Variants in CTNND2 observed in about 807,000 individuals in gnomAD.
CTNND2 encodes the protein catenin delta-2.
Under a neutral mutation model 144.4 loss-of-function variants are expected in CTNND2, and 22 were observed. The observed-to-expected ratio is 0.15, with a 90% CI of 0.11 to 0.22. CTNND2 has a LOEUF of 0.22. Among genes scored for constraint, CTNND2 ranks in the 10% least tolerant of loss-of-function variants. The pLI, the probability that CTNND2 is intolerant of heterozygous loss-of-function variation, is 1.00. For synonymous variants in CTNND2, 751 were observed against 695.6 expected (o/e 1.08, Z -1.25); for missense variants, 1,353 against 1,618.8 (o/e 0.84, Z 2.82).
intron 2 of CTNND2, among the ~76,000 whole-genome samples, chr5:11,616,393 C>A (rs577621800): frequency 1.6e-4 from 24 of 152,292 alleles, no homozygotes; most frequent in African/African-American, 5.8e-4. Context: ...TCACACATGA[C>A]CAATAGTTTC....
chr5:11,035,313 G>C (rs1743951486), intron 16 of CTNND2, among the ~76,000 whole-genome samples: 1 of 152,080 alleles, frequency 6.6e-6, no homozygotes. Flanking sequence ...TCATTTTCTT[G>C]CCTTTTCCAG....
At chr5:11,365,254 C>A (rs1161213844) in intron 7 of CTNND2, among the ~76,000 whole-genome samples, 1 of 152,194 alleles carries the variant, frequency 6.6e-6, no homozygotes, top group Non-Finnish European at 1.5e-5. Flanking sequence ...ATAGCCCTTG[C>A]ACCTTAAATT....
At chr5:11,634,510 G>A (rs1042079199) in intron 2 of CTNND2, among the ~76,000 whole-genome samples, 11 of 152,190 alleles carry the variant, frequency 7.2e-5, no homozygotes, top group African/African-American at 2.4e-4. Context: ...TTGAGGATGA[G>A]GAGGTTACAA....
chr5:11,608,344 C>G (rs897940960), intron 2 of CTNND2, among the ~76,000 whole-genome samples: 1 of 152,182 alleles, frequency 6.6e-6, no homozygotes, highest in Non-Finnish European at 1.5e-5. Context: ...CAATTGCCTA[C>G]TTCCCATCTC....
intron 10 of CTNND2, among the ~76,000 whole-genome samples, chr5:11,220,823 G>A (rs997926018): frequency 1.7e-4 from 26 of 152,174 alleles, no homozygotes; most frequent in African/African-American, 5.1e-4. Context: ...ATATCACACC[G>A]TTTCCAGGGG....
chr5:11,476,809 C>A (rs556097444), intron 3 of CTNND2, among the ~76,000 whole-genome samples: 1 of 152,104 alleles, frequency 6.6e-6, no homozygotes, highest in Admixed American at 6.5e-5. Flanking sequence ...TACTTGACAG[C>A]GGCATACTGT....
intron 16 of CTNND2, among the ~76,000 whole-genome samples, chr5:11,024,766 AT>A (rs1394661149): frequency 6.6e-6 from 1 of 152,204 alleles, no homozygotes; most frequent in Non-Finnish European, 1.5e-5. Flanking sequence ...TGGTATTATC[AT>A]TTTGAAAATT....
intron 1 of CTNND2, among the ~76,000 whole-genome samples, chr5:11,864,935 C>T (rs1795684038): frequency 8.3e-6 from 1 of 119,848 alleles, no homozygotes; most frequent in Admixed American, 1.1e-4. Context: ...ACTCTTGTTG[C>T]CCAGGCTACA....
chr5:11,283,919 G>A (rs1307885970), intron 9 of CTNND2, among the ~76,000 whole-genome samples: 2 of 152,238 alleles, frequency 1.3e-5, no homozygotes, highest in African/African-American at 4.8e-5. Context: ...TTCTGTTCAC[G>A]TCGTCTGACG....
At chr5:11,202,059 G>C (rs1366925767) in intron 10 of CTNND2, among the ~76,000 whole-genome samples, 1 of 152,098 alleles carries the variant, frequency 6.6e-6, no homozygotes, top group Non-Finnish European at 1.5e-5. Flanking sequence ...TCTGAATTTA[G>C]TTATTTAAAT....
chr5:11,244,500 G>T (rs1742795497), intron 9 of CTNND2, among the ~76,000 whole-genome samples: 1 of 152,032 alleles, frequency 6.6e-6, no homozygotes, highest in South Asian at 2.1e-4. Context: ...GGCCAGGCTG[G>T]TCTTGAACTC....
intron 3 of CTNND2, among the ~76,000 whole-genome samples, chr5:11,510,912 C>T (rs1026001870): frequency 6.9e-6 from 1 of 145,170 alleles, no homozygotes; most frequent in African/African-American, 2.6e-5. Flanking sequence ...GCCTGGGCAA[C>T]AGAAAGAGAC....
chr5:11,132,410 T>C (rs978205833), intron 12 of CTNND2, among the ~76,000 whole-genome samples: 5 of 152,194 alleles, frequency 3.3e-5, no homozygotes, highest in Non-Finnish European at 7.3e-5. Flanking sequence ...CTTTGGGAGA[T>C]GATTAGGTCA....
At chr5:11,630,359 C>A (rs924475379) in intron 2 of CTNND2, among the ~76,000 whole-genome samples, 1 of 152,284 alleles carries the variant, frequency 6.6e-6, no homozygotes, top group East Asian at 1.9e-4. Flanking sequence ...TGAATCTCAT[C>A]AATTCAGTCC....
At position 11,469,447 on chromosome 5, in the gene CTNND2, G is replaced by A. The variant is rs116605405; in HGVS notation, c.288-57378C>T. On this transcript the variant is annotated intron_variant, in intron 3 of 21. Transcript: ENST00000304623. ...CCACAATCCTTTAAAGTTACTTTCA[G>A]CACAGAAAGGCATAACACTGCTGCA... Among the ~76,000 whole-genome samples, 1,363 of 152,248 alleles carry A rather than the reference G, an allele frequency of 9.0e-3. 21 individuals are homozygous for A. Among genetic ancestry groups the A allele is most frequent in the African/African-American group, 0.031 (1,296 of 41,530 alleles).
intron 7 of CTNND2, among the ~76,000 whole-genome samples, chr5:11,372,520 G>A (rs1468530364): frequency 6.6e-6 from 1 of 151,948 alleles, no homozygotes; most frequent in Non-Finnish European, 1.5e-5. Context: ...CCTCATGCAC[G>A]GCTTCAACTT....
chr5:11,803,292 C>G (rs1249758345), intron 1 of CTNND2, among the ~76,000 whole-genome samples: 1 of 151,456 alleles, frequency 6.6e-6, no homozygotes, highest in African/African-American at 2.4e-5. Flanking sequence ...TGCACTCCAG[C>G]CTGGCAACAG....
intron 9 of CTNND2, among the ~76,000 whole-genome samples, chr5:11,255,770 G>A (rs1016635995): frequency 3.9e-5 from 6 of 152,124 alleles, no homozygotes; most frequent in African/African-American, 1.4e-4. Flanking sequence ...AATCAGTCAC[G>A]AGAGCTGGAA....
intron 2 of CTNND2, among the ~76,000 whole-genome samples, chr5:11,613,141 T>C (rs1780415529): frequency 6.6e-6 from 1 of 152,208 alleles, no homozygotes; most frequent in South Asian, 2.1e-4. Flanking sequence ...TTTTTGCCAA[T>C]GTCAAGACTT....
Sources: gnomAD v4.1 joint callset for allele counts (sites outside exome capture counted in the v4.1 genomes callset) on GRCh38, gnomAD v4.1.1 for gene constraint, MANE v1.5 for transcripts, NCBI Gene and HGNC (gene_info 2026-07-23, HGNC 2026-07-21) for gene names.